The following C6orf132 variants were observed in gnomAD, a reference collection of about 807,000 sequenced individuals.
C6orf132 encodes chromosome 6 open reading frame 132, also known as uncharacterized protein C6orf132.
A neutral mutation model predicts 65.3 loss-of-function variants in C6orf132; 43 were observed. That is an observed-to-expected ratio of 0.66 (90% CI 0.52 to 0.85). The LOEUF is 0.85. Ranked by LOEUF, C6orf132 falls within the 40% of genes least tolerant of loss-of-function variation. C6orf132 has a pLI of 0.00. For synonymous variants in C6orf132, 631 were observed against 654.1 expected (o/e 0.96, Z 0.54); for missense variants, 1,488 against 1,548.8 (o/e 0.96, Z 0.66).
chr6:42,119,268 AAAAAAAAGG>A (rs1766639965), intron 2 of C6orf132, among the ~76,000 whole-genome samples: 1 of 148,604 alleles, frequency 6.7e-6, no homozygotes, highest in Non-Finnish European at 1.5e-5. Flanking sequence ...AAAAAAAAAA[AAAAAAAAGG>A]GAGAATTCCT....
At chr6:42,129,079 G>T (rs1766813471) in intron 1 of C6orf132, among the ~76,000 whole-genome samples, 1 of 152,228 alleles carries the variant, frequency 6.6e-6, no homozygotes, top group East Asian at 1.9e-4. Flanking sequence ...CTCTCCCACA[G>T]CAATGGTCCC....
intron 2 of C6orf132, 41 bp downstream of exon 2, chr6:42,128,631 C>T (rs963730051): frequency 6.7e-7 from 1 of 1,490,092 alleles, no homozygotes; most frequent in Non-Finnish European, 9.2e-7. Context: ...GTGTCCCCAG[C>T]CAGAGCAGAC....
Position 42,142,417 on chromosome 6 carries a change from T to G in C6orf132, c.28A>C (p.Thr10Pro). The G allele has an allele frequency of 6.4e-7, 1 of 1,551,162 alleles. No individual in the cohort carries two copies. The highest frequency in any genetic ancestry group is 8.7e-7 in the Non-Finnish European group (1 of 1,146,742). MKKKQTVQG[T>P]FSKLFGKKHT... is the part of the protein sequence containing the mutation. ...TTCTTCCCGAAGAGTTTGCTGAAGGTGCCCTGCACCGTCTGCTTCTTTTTC... is the reference window on the plus strand; with the variant it reads ...TTCTTCCCGAAGAGTTTGCTGAAGGGGCCCTGCACCGTCTGCTTCTTTTTC... The change falls in exon 1 of 5, where the codon ACC becomes CCC. Residue 10 changes from threonine to proline, a missense_variant. By Grantham distance (38) the Thr-to-Pro change is conservative. Transcript: ENST00000341865.
intron 2 of C6orf132, among the ~76,000 whole-genome samples, chr6:42,112,612 C>T (rs6918905): frequency 0.24 from 37,125 of 152,026 alleles, 5,160 homozygotes; most frequent in African/African-American, 0.38. Context: ...CCACACTGAC[C>T]CACTGCTACC....
rs139265667 is a variant in C6orf132, at chr6:42,127,205, T to A, written c.252+1467A>T. On this transcript the variant is annotated intron_variant, in intron 2 of 4. Coordinates refer to ENST00000341865, the MANE Select transcript of C6orf132 (RefSeq NM_001164446.3). ...CCTGGCCTCAAGTGATCCTCCCACC[T>A]CGGCCTCCCAAAGTGCTAGGATTCC... is the stretch of plus-strand genomic sequence containing the variant. Among the ~76,000 whole-genome samples the A allele has an allele frequency of 4.6e-3, 694 of 152,332 alleles. 4 individuals are homozygous for A. The highest frequency in any genetic ancestry group is 0.02 in the Middle Eastern group (6 of 294).
chr6:42,137,675 G>A (rs1214692574), intron 1 of C6orf132, among the ~76,000 whole-genome samples: 1 of 152,174 alleles, frequency 6.6e-6, no homozygotes, highest in Non-Finnish European at 1.5e-5. Flanking sequence ...CTTGCTCCAT[G>A]TGGGGAAGGA....
chr6:42,106,385 C>T lies in C6orf132; in HGVS notation c.1527G>A (p.Leu509=). 1 of 1,536,088 alleles carries T rather than the reference C, an allele frequency of 6.5e-7. No individual in the cohort carries two copies. Among genetic ancestry groups the T allele is most frequent in the South Asian group, 1.2e-5 (1 of 84,034 alleles). The change falls in exon 4 of 5, where the codon CTG becomes CTA. Residue 509 remains leucine, a synonymous_variant. Coordinates refer to ENST00000341865, the MANE Select transcript of C6orf132 (RefSeq NM_001164446.3). ...GGCTCAGGAGAGTCTCCTTCTCAGG[C>T]AGGCGGGGGCCCTTCTTGCCCTCCT... is the stretch of plus-strand genomic sequence containing the variant. The part of the protein sequence containing the change: ...QSKEGKKGPR[L]PEKETLLSLP...
intron 1 of C6orf132, among the ~76,000 whole-genome samples, chr6:42,136,471 T>A (rs1160676030): frequency 6.6e-6 from 1 of 151,242 alleles, no homozygotes; most frequent in Non-Finnish European, 1.5e-5. Context: ...GCTTGGGGAG[T>A]TTTTGCCTTG....
chr6:42,125,795 G>A (rs1562039518), intron 2 of C6orf132, among the ~76,000 whole-genome samples: 1 of 152,174 alleles, frequency 6.6e-6, no homozygotes, highest in Non-Finnish European at 1.5e-5. Flanking sequence ...AGGTCTGCCT[G>A]GGGTCTATGC....
chr6:42,140,317 C>T (rs973678552), intron 1 of C6orf132, among the ~76,000 whole-genome samples: 1 of 152,254 alleles, frequency 6.6e-6, no homozygotes, highest in African/African-American at 2.4e-5. Context: ...GCAGCCTGCA[C>T]AGCCTAGGCA....
chr6:42,132,483 T>C (rs1295858386), intron 1 of C6orf132, among the ~76,000 whole-genome samples: 4 of 148,448 alleles, frequency 2.7e-5, no homozygotes, highest in Admixed American at 2.0e-4. Flanking sequence ...CCACTGCACT[T>C]CAGCCTGGGG....
rs977859392 is a variant in C6orf132 at position 42,131,200 on chromosome 6, T to C, written c.146-2422A>G. Among the ~76,000 whole-genome samples, 61 of 151,994 alleles carry C rather than the reference T, an allele frequency of 4.0e-4. 1 individual carries two copies. Among genetic ancestry groups the C allele is most frequent in the Non-Finnish European group, 7.4e-5 (5 of 67,972 alleles). ...CACACCCAGCTAATTTTTGTATTTT[T>C]AGTAGAGATGGTGTTTCACCATGTT... On this transcript the variant is annotated intron_variant, in intron 1 of 4. Coordinates refer to ENST00000341865, the MANE Select transcript of C6orf132 (RefSeq NM_001164446.3).
chr6:42,108,380 G>A (rs1486183001), intron 3 of C6orf132, among the ~76,000 whole-genome samples: 4 of 152,128 alleles, frequency 2.6e-5, no homozygotes, highest in African/African-American at 9.7e-5. Flanking sequence ...GCCTCCAGTA[G>A]GCATTTAATA....
At chr6:42,133,241 A>C (rs1766882487) in intron 1 of C6orf132, among the ~76,000 whole-genome samples, 1 of 152,158 alleles carries the variant, frequency 6.6e-6, no homozygotes, top group Non-Finnish European at 1.5e-5. Flanking sequence ...AGGAGGGGCG[A>C]GGAGGAGGTG....
Position 42,105,306 on chromosome 6 carries a change from C to T in C6orf132, c.2606G>A (p.Arg869His), listed in dbSNP as rs1396357608. ...LGRSSLPGSL[R>H]DHSHQAEASS... ...GGCCTCGGCTTGGTGGCTGTGGTCACGGAGACTTCCTGGCAGAGAGGACCG... is the reference window on the plus strand; with the variant it reads ...GGCCTCGGCTTGGTGGCTGTGGTCATGGAGACTTCCTGGCAGAGAGGACCG... The change falls in exon 4 of 5, where the codon CGT (arginine) becomes CAT (histidine). Residue 869 changes from arginine (R) to histidine (H), a missense_variant. Arg to His is a conservative substitution (Grantham distance 29). Coordinates refer to ENST00000341865, the MANE Select transcript of C6orf132 (RefSeq NM_001164446.3). 27 of 1,536,912 alleles carry T rather than the reference C, an allele frequency of 1.8e-5. No homozygotes were observed. The highest frequency in any genetic ancestry group is 4.1e-5 in the African/African-American group (3 of 73,016).
intron 1 of C6orf132, among the ~76,000 whole-genome samples, chr6:42,138,956 C>T (rs1400354575): frequency 6.6e-6 from 1 of 151,984 alleles, no homozygotes; most frequent in Non-Finnish European, 1.5e-5. Flanking sequence ...GTGAAGCCCT[C>T]CTAATTGCTG....
chr6:42,136,623 A>G (rs780509457), intron 1 of C6orf132, among the ~76,000 whole-genome samples: 1 of 152,210 alleles, frequency 6.6e-6, no homozygotes, highest in Non-Finnish European at 1.5e-5. Context: ...CTTTCAGGGA[A>G]GCAGCGGGGG....
chr6:42,109,201 G>A (rs370590583), intron 3 of C6orf132, among the ~76,000 whole-genome samples: 2 of 152,192 alleles, frequency 1.3e-5, no homozygotes, highest in East Asian at 1.9e-4. Context: ...TTAGGAGGCT[G>A]AGGCAGGTGG....
In C6orf132 at chr6:42,139,684, T is replaced by C. The variant is rs370912981; in HGVS notation, c.145+2616A>G. Among the ~76,000 whole-genome samples the C allele has an allele frequency of 6.6e-5, 10 of 152,270 alleles. No individual in the cohort carries two copies. The East Asian group carries it at 1.9e-3, about 29-fold the overall frequency. ...TCTTAAAATATTATGAGGGGTTTTTTTTTGCGTTTTTTTGTTTTGTTTTTT... is the reference window on the plus strand; with the variant it reads ...TCTTAAAATATTATGAGGGGTTTTTCTTTGCGTTTTTTTGTTTTGTTTTTT... On this transcript the variant is annotated intron_variant, in intron 1 of 4. Coordinates refer to ENST00000341865, the MANE Select transcript of C6orf132 (RefSeq NM_001164446.3).
Sources: gnomAD v4.1 joint callset for allele counts (sites outside exome capture counted in the v4.1 genomes callset) on GRCh38, gnomAD v4.1.1 for gene constraint, MANE v1.5 for transcripts, NCBI Gene and HGNC (gene_info 2026-07-23, HGNC 2026-07-21) for gene names.